AP2B1: variants seen among roughly 807,000 people sequenced by gnomAD.
AP2B1 encodes adaptor related protein complex 2 subunit beta 1.
AP2B1 carries 23 observed loss-of-function variants against 102.0 expected under a neutral mutation model. The observed-to-expected ratio is 0.23, with a 90% CI of 0.16 to 0.32. AP2B1 has a LOEUF of 0.32. Among genes scored for constraint, AP2B1 ranks in the 10% least tolerant of loss-of-function variants. The pLI is 1.00. For missense variants in AP2B1, 541 were observed against 1,157.4 expected, an observed-to-expected ratio of 0.47 and a Z score of 7.73; for synonymous variants, 381 against 421.2, an observed-to-expected ratio of 0.90 and a Z score of 1.17.
At chr17:35,637,341 T>A (rs1419466290) in intron 10 of AP2B1, among the ~76,000 whole-genome samples, 1 of 151,972 alleles carries the variant, frequency 6.6e-6, no homozygotes, top group Non-Finnish European at 1.5e-5. Flanking sequence ...CATGCCACCA[T>A]GTCTGGCTAA....
intron 9 of AP2B1, among the ~76,000 whole-genome samples, chr17:35,635,980 C>T (rs983901138): frequency 4.1e-5 from 6 of 145,930 alleles, no homozygotes; most frequent in Non-Finnish European, 7.4e-5. Flanking sequence ...TGTGCCATCA[C>T]GCCTAGCCTT....
chr17:35,656,913 A>G (rs1340164867), intron 13 of AP2B1, among the ~76,000 whole-genome samples: 1 of 151,574 alleles, frequency 6.6e-6, no homozygotes, highest in African/African-American at 2.4e-5. Flanking sequence ...AACTCTCCAG[A>G]CTAGTTTTCA....
At chr17:35,663,238 A>G (rs1389196239) in intron 14 of AP2B1, among the ~76,000 whole-genome samples, 2 of 152,220 alleles carry the variant, frequency 1.3e-5, no homozygotes, top group Non-Finnish European at 1.5e-5. Flanking sequence ...TGAGGCTTCC[A>G]TAACCACCAT....
rs35218837 is a variant in AP2B1, at chr17:35,606,242, AT to A, written c.279+417del. ...TAATACGTCTTACATCATTTGATTA[AT>A]TTTTTTTTTTTTTTGATACAGAGTC... On this transcript the variant is annotated intron_variant, in intron 4 of 21. Transcript: ENST00000610402. Among the ~76,000 whole-genome samples the A allele has an allele frequency of 4.6e-3, 663 of 144,928 alleles. 1 individual carries two copies. Among genetic ancestry groups the A allele is most frequent in the Middle Eastern group, 0.011 (3 of 282 alleles).
chr17:35,657,926 C>A (rs2075270105), intron 14 of AP2B1, 135 bp downstream of exon 14: 1 of 733,460 alleles, frequency 1.4e-6, no homozygotes, highest in Non-Finnish European at 2.1e-6. Flanking sequence ...GGACAGGATT[C>A]TTTGTCTTTA....
At position 35,716,140 on chromosome 17, in the gene AP2B1, A is replaced by G. The variant is rs587711861; in HGVS notation, c.2627-1055A>G. Among the ~76,000 whole-genome samples the G allele has an allele frequency of 2.8e-4, 42 of 152,332 alleles. 1 individual carries two copies. In the South Asian group the frequency reaches 7.7e-3, roughly 28 times the overall value. ...TAGAAGGGTAGAAAGACCATCCATC[A>G]TGGCAACCTTTTCCCAGAGAGCACA... On this transcript the variant is annotated intron_variant, in intron 20 of 21. Coordinates refer to ENST00000610402, the MANE Select transcript of AP2B1 (RefSeq NM_001030006.2).
At chr17:35,605,464 A>G (rs1394381049) in intron 3 of AP2B1, among the ~76,000 whole-genome samples, 2 of 152,056 alleles carry the variant, frequency 1.3e-5, no homozygotes, top group African/African-American at 4.8e-5. Context: ...TGGTCAGGCT[A>G]GTCTCAAACT....
chr17:35,598,602 T>C (rs2073372013), intron 3 of AP2B1, among the ~76,000 whole-genome samples: 1 of 152,214 alleles, frequency 6.6e-6, no homozygotes, highest in African/African-American at 2.4e-5. Flanking sequence ...TAACACCTCC[T>C]GAGAGCTGGC....
chr17:35,675,477 C>T (rs911673314), intron 17 of AP2B1, among the ~76,000 whole-genome samples: 3 of 152,172 alleles, frequency 2.0e-5, no homozygotes, highest in Non-Finnish European at 4.4e-5. Context: ...TCAAGACTAC[C>T]AATGTTTCCA....
At chr17:35,598,420 C>T (rs2142332077) in intron 3 of AP2B1, 85 bp downstream of exon 3, 1 of 781,608 alleles carries the variant, frequency 1.3e-6, no homozygotes, top group South Asian at 2.5e-5. Context: ...TTAAAAGTAT[C>T]ATAATCATAG....
intron 3 of AP2B1, 37 bp downstream of exon 3, chr17:35,598,372 G>A (rs918869904): frequency 2.3e-6 from 3 of 1,316,398 alleles, no homozygotes; most frequent in African/African-American, 1.5e-5. Flanking sequence ...TCACTTCAGA[G>A]GTCCATACCC....
intron 17 of AP2B1, among the ~76,000 whole-genome samples, chr17:35,677,586 T>A (rs1017057010): frequency 6.6e-6 from 1 of 152,178 alleles, no homozygotes; most frequent in African/African-American, 2.4e-5. Flanking sequence ...TTGGCTATTC[T>A]TGGTCTTTTA....
chr17:35,717,203 T>G lies in AP2B1; in HGVS notation c.2635T>G (p.Ser879Ala), dbSNP rs782623891. The change falls in exon 21 of 22, where the codon TCC becomes GCC. Residue 879 changes from serine (S) to alanine (A), a missense_variant. Physicochemically the swap from Ser to Ala is moderately conservative, Grantham distance 99. This residue lies in a region of AP2B1 where 117 missense variants were observed against 206.7 expected (regional missense o/e 0.57). Transcript: ENST00000610402. ...TGAATCTGTATTTCTAGACACTGTT[T>G]CCAGCAAGTTGCAAAACAACAATGT... The part of the protein sequence containing the change: ...KECHLNADTV[S>A]SKLQNNNVYT... The G allele has an allele frequency of 6.2e-7, 1 of 1,613,804 alleles. No homozygotes were observed. Among genetic ancestry groups the G allele is most frequent in the Non-Finnish European group, 8.5e-7 (1 of 1,179,810 alleles).
At chr17:35,601,518 C>T (rs1455695451) in intron 3 of AP2B1, among the ~76,000 whole-genome samples, 3 of 152,188 alleles carry the variant, frequency 2.0e-5, no homozygotes, top group South Asian at 4.1e-4. Flanking sequence ...ATCCGCCTGC[C>T]TTGGCCCCCC....
intron 18 of AP2B1, among the ~76,000 whole-genome samples, chr17:35,684,367 G>A (rs949088303): frequency 2.6e-5 from 4 of 152,134 alleles, no homozygotes; most frequent in Non-Finnish European, 5.9e-5. Context: ...AAGACAGGTG[G>A]GATCCCATTG....
At chr17:35,632,088 A>ATTTT (rs11432512) in intron 9 of AP2B1, among the ~76,000 whole-genome samples, 1 of 145,730 alleles carries the variant, frequency 6.9e-6, no homozygotes, top group Non-Finnish European at 1.5e-5. Flanking sequence ...AAAATTCACT[A>ATTTT]TTTTTTTTTT....
chr17:35,631,842 A>G (rs1239018889), intron 9 of AP2B1, among the ~76,000 whole-genome samples: 1 of 152,120 alleles, frequency 6.6e-6, no homozygotes, highest in Non-Finnish European at 1.5e-5. Flanking sequence ...TTGCTCACTC[A>G]TGTCCTCTGC....
chr17:35,628,650 A>G lies in AP2B1; in HGVS notation c.1155+924A>G, dbSNP rs111889033. Among the ~76,000 whole-genome samples, 46 of 152,306 alleles carry G rather than the reference A, an allele frequency of 3.0e-4. 1 individual carries two copies. The highest frequency in any genetic ancestry group is 1.1e-3 in the African/African-American group (45 of 41,558). On this transcript the variant is annotated intron_variant, in intron 9 of 21. Coordinates refer to ENST00000610402, the MANE Select transcript of AP2B1 (RefSeq NM_001030006.2). ...AGAACAACAATAATATTCTTATGCT[A>G]TTATTTATTAATTTACCTATCATAG...
intron 17 of AP2B1, among the ~76,000 whole-genome samples, chr17:35,680,052 A>G (rs1390075135): frequency 6.6e-6 from 1 of 150,698 alleles, no homozygotes. Flanking sequence ...ACAGACGCCC[A>G]CGACCACGCC....
Sources: allele counts gnomAD v4.1 joint callset (sites outside exome capture counted in the v4.1 genomes callset), GRCh38; gene constraint gnomAD v4.1.1; regional missense constraint gnomAD v4.1.1; transcripts MANE v1.5; gene names NCBI Gene and HGNC (gene_info 2026-07-23, HGNC 2026-07-21).